Variants in FAM204A observed in about 807,000 individuals in gnomAD.
The protein encoded by FAM204A is protein FAM204A.
In FAM204A, 16 loss-of-function variants were observed where a neutral mutation model predicts 35.4. That is an observed-to-expected ratio of 0.45 (90% CI 0.31 to 0.69). The LOEUF (loss-of-function observed/expected upper bound fraction) is 0.69, where lower values mean the gene tolerates loss of function less well. Among genes scored for constraint, FAM204A ranks in the 30% least tolerant of loss-of-function variants. FAM204A has a pLI of 0.07. For synonymous variants in FAM204A, 76 were observed against 86.9 expected, an observed-to-expected ratio of 0.88 and a Z score of 0.70; for missense variants, 240 against 265.7, an observed-to-expected ratio of 0.90 and a Z score of 0.67.
At chr10:118,342,005 G>T (rs1463782912) in intron 1 of FAM204A, 78 bp from the exon 2 acceptor site, 3 of 152,244 alleles carry the variant, frequency 2.0e-5, no homozygotes, top group Non-Finnish European at 2.9e-5. Flanking sequence ...CTCTCACTTT[G>T]ACCTGGGTGG....
intron 7 of FAM204A, among the ~76,000 whole-genome samples, chr10:118,321,724 C>CAAAAAAAA (rs200200755): frequency 2.3e-3 from 202 of 87,160 alleles, no homozygotes; most frequent in Non-Finnish European, 2.7e-3. Flanking sequence ...TATGACAAAG[C>CAAAAAAAA]AAAAAAAAAA....
intron 7 of FAM204A, chr10:118,322,480 T>C (rs566620235): frequency 2.3e-6 from 1 of 431,336 alleles, no homozygotes; most frequent in South Asian, 1.6e-5. Context: ...ATAAGGGACA[T>C]GCTACAAAGT....
chr10:118,301,396 ATT>A lies in FAM204A; in HGVS notation c.*9459_*9460del, dbSNP rs569606185. ...CAGAAATAGCCATCAGCATTTTTGC[ATT>A]GATTCCTACAGTATGACAGTTAAGA... is the stretch of plus-strand genomic sequence containing the variant. On this transcript the variant is annotated 3_prime_UTR_variant, in exon 9 of 9. Coordinates refer to ENST00000369183, the MANE Select transcript of FAM204A (RefSeq NM_022063.3). 4.6e-5 allele frequency: 7 copies of A among 152,330 alleles called. No individual in the cohort carries two copies. In the East Asian group the frequency reaches 1.4e-3, roughly 29 times the overall value. The allele number at this position is 152,330 out of a possible 1,614,324, so 9.4% of individuals were successfully genotyped here.
rs1245193202 is a variant in FAM204A, at chr10:118,308,134, CA to C, written c.*2722del. 2 of 152,166 alleles carry C rather than the reference CA, an allele frequency of 1.3e-5. No homozygotes were observed. Among genetic ancestry groups the C allele is most frequent in the East Asian group, 3.9e-4 (2 of 5,190 alleles). The allele number at this position is 152,166 out of a possible 1,614,324, so 9.4% of individuals were successfully genotyped here. ...TTCTCAGAACCAGTGCTGTAAAGCTCAAAATTACTGTTCTTTAGTAAGATGT... is the reference window on the plus strand; with the variant it reads ...TTCTCAGAACCAGTGCTGTAAAGCTCAAATTACTGTTCTTTAGTAAGATGT... On this transcript the variant is annotated 3_prime_UTR_variant, in exon 9 of 9. Coordinates refer to ENST00000369183, the MANE Select transcript of FAM204A (RefSeq NM_022063.3).
At chr10:118,338,539 TATTTTAC>T (rs1441934744) in intron 2 of FAM204A, among the ~76,000 whole-genome samples, 1 of 152,170 alleles carries the variant, frequency 6.6e-6, no homozygotes, top group Non-Finnish European at 1.5e-5. Context: ...GTCCATAAAA[TATTTTAC>T]ATGCCCACTT....
At chr10:118,339,103 G>C (rs1015932880) in intron 2 of FAM204A, among the ~76,000 whole-genome samples, 1 of 152,158 alleles carries the variant, frequency 6.6e-6, no homozygotes, top group African/African-American at 2.4e-5. Flanking sequence ...GGTAGGTTTT[G>C]AATTCCACTC....
At chr10:118,333,191 A>G (rs1846319692) in intron 6 of FAM204A, among the ~76,000 whole-genome samples, 1 of 152,238 alleles carries the variant, frequency 6.6e-6, no homozygotes, top group African/African-American at 2.4e-5. Context: ...AGGAAAAAAA[A>G]GACTGCACGA....
intron 7 of FAM204A, among the ~76,000 whole-genome samples, chr10:118,319,337 AT>A (rs1206056692): frequency 6.6e-6 from 1 of 151,952 alleles, no homozygotes; most frequent in Non-Finnish European, 1.5e-5. Flanking sequence ...TTCAAACTTT[AT>A]TTTTTTAATG....
intron 7 of FAM204A, among the ~76,000 whole-genome samples, chr10:118,312,188 G>A (rs1036594601): frequency 2.2e-4 from 34 of 152,220 alleles, no homozygotes; most frequent in African/African-American, 7.5e-4. Context: ...CCACCAATGC[G>A]GACAGCTCAA....
In FAM204A at chr10:118,308,029, G is replaced by A. The variant is rs1041517952; in HGVS notation, c.*2828C>T. On this transcript the variant is annotated 3_prime_UTR_variant, in exon 9 of 9. Coordinates refer to ENST00000369183, the MANE Select transcript of FAM204A (RefSeq NM_022063.3). ...GATTATATATTCAATCTCTCCTTTC[G>A]GTGAAAGACATAGAATGTTCTGCTG... The A allele has an allele frequency of 3.3e-5, 5 of 152,124 alleles. No homozygotes were observed. The highest frequency in any genetic ancestry group is 2.1e-4 in the South Asian group (1 of 4,832). The allele number at this position is 152,124 out of a possible 1,614,324, so 9.4% of individuals were successfully genotyped here.
At chr10:118,313,913 C>T (rs1242717584) in intron 7 of FAM204A, among the ~76,000 whole-genome samples, 1 of 152,094 alleles carries the variant, frequency 6.6e-6, no homozygotes, top group East Asian at 1.9e-4. Flanking sequence ...ACAGCCAAAC[C>T]AAGCCAAAGA....
rs1845914486 is a variant in FAM204A at position 118,309,523 on chromosome 10, G to C, written c.*1334C>G. 1 of 152,182 alleles carries C rather than the reference G, an allele frequency of 6.6e-6. No individual in the cohort carries two copies. 9.4% of individuals were successfully genotyped at this position (152,182 alleles called of 1,614,324 possible). A position where few individuals can be genotyped will look rare whatever the true frequency, so the allele number is the denominator to read the frequency against. ...GGTGAACTGACAAAAACCATGCTGA[G>C]TGGTTCTTTACCTCCGCTGGGCACT... On this transcript the variant is annotated 3_prime_UTR_variant, in exon 9 of 9. Transcript: ENST00000369183.
At chr10:118,333,586 C>A (rs1032639582) in intron 6 of FAM204A, among the ~76,000 whole-genome samples, 2 of 152,180 alleles carry the variant, frequency 1.3e-5, no homozygotes, top group Admixed American at 1.3e-4. Flanking sequence ...TGCAATTATA[C>A]TGAACTACCA....
At chr10:118,331,843 T>TTATATATATA (rs55733401) in intron 6 of FAM204A, among the ~76,000 whole-genome samples, 159 of 142,426 alleles carry the variant, frequency 1.1e-3, no homozygotes, top group African/African-American at 3.6e-3. Flanking sequence ...TTTGTTACCT[T>TTATATATATA]TATATATATA....
chr10:118,333,178 G>C (rs1253864055), intron 6 of FAM204A, among the ~76,000 whole-genome samples: 4 of 152,084 alleles, frequency 2.6e-5, no homozygotes, highest in African/African-American at 4.8e-5. Context: ...AAAGAAAAAG[G>C]GGAGGAAAAA....
rs1156363281 is a variant in FAM204A at position 118,308,396 on chromosome 10, G to C, written c.*2461C>G. 6.6e-6 allele frequency: 1 copy of C among 152,150 alleles called. No individual in the cohort carries two copies. Among genetic ancestry groups the C allele is most frequent in the African/African-American group, 2.4e-5 (1 of 41,414 alleles). 9.4% of individuals were successfully genotyped at this position (152,150 alleles called of 1,614,324 possible). A position where few individuals can be genotyped will look rare whatever the true frequency, so the allele number is the denominator to read the frequency against. On this transcript the variant is annotated 3_prime_UTR_variant, in exon 9 of 9. Coordinates refer to ENST00000369183, the MANE Select transcript of FAM204A (RefSeq NM_022063.3). ...GAGTGGACAAATGACTACATCCTTT[G>C]AGCAGCATGCGTACTCAAGGAATAA...
intron 7 of FAM204A, chr10:118,322,413 T>G (rs1846132467): frequency 2.2e-6 from 1 of 455,948 alleles, no homozygotes; most frequent in Non-Finnish European, 4.4e-6. Flanking sequence ...ATGATTTTCC[T>G]GCCAAAAATG....
At chr10:118,311,184 C>A (rs1443178419) in intron 8 of FAM204A, 23 bp downstream of exon 8, 12 of 1,587,016 alleles carry the variant, frequency 7.6e-6, no homozygotes, top group East Asian at 4.5e-5. Flanking sequence ...AGATTTACTA[C>A]CAAAAATCTT....
At chr10:118,320,867 AT>A (rs1846103216) in intron 7 of FAM204A, among the ~76,000 whole-genome samples, 1 of 147,896 alleles carries the variant, frequency 6.8e-6, no homozygotes, top group Admixed American at 6.8e-5. Context: ...TAACAGTCTT[AT>A]TTTGGAATAC....
Sources: allele counts gnomAD v4.1 joint callset (sites outside exome capture counted in the v4.1 genomes callset), GRCh38; gene constraint gnomAD v4.1.1; transcripts MANE v1.5; gene names NCBI Gene and HGNC (gene_info 2026-07-23, HGNC 2026-07-21).